PTPRG: variants seen among roughly 807,000 people sequenced by gnomAD.
The protein encoded by PTPRG is receptor-type tyrosine-protein phosphatase gamma.
Under a neutral mutation model 165.3 loss-of-function variants are expected in PTPRG, and 102 were observed. That is an observed-to-expected ratio of 0.62 (90% CI 0.53 to 0.73). PTPRG has a LOEUF of 0.73. PTPRG is among the 30% of genes least tolerant of loss of function. The probability of loss-of-function intolerance (pLI) is 0.00; values close to 1 mark genes in which losing one functional copy is unlikely to be tolerated. For synonymous variants in PTPRG, 675 were observed against 669.5 expected (o/e 1.01, Z -0.13); for missense variants, 1,866 against 1,861.4 (o/e 1.00, Z -0.05).
intron 2 of PTPRG, among the ~76,000 whole-genome samples, chr3:61,873,762 T>C (rs1314862021): frequency 6.6e-6 from 1 of 152,184 alleles, no homozygotes; most frequent in Admixed American, 6.5e-5. Context: ...AACTGAATGA[T>C]GATTAAGTTC....
chr3:62,166,922 G>C lies in PTPRG; in HGVS notation c.841-1049G>C, dbSNP rs777889218. On this transcript the variant is annotated intron_variant, in intron 7 of 29. Transcript: ENST00000474889. ...TACTCTCCAACTCCTGGGTTCAAGC[G>C]ATCTTCCACCTCAGCCTCCCAAAGT... is the stretch of plus-strand genomic sequence containing the variant. Among the ~76,000 whole-genome samples the C allele has an allele frequency of 7.2e-5, 11 of 151,932 alleles. 1 individual carries two copies. Among genetic ancestry groups the C allele is most frequent in the Non-Finnish European group, 1.0e-4 (7 of 67,950 alleles).
intron 12 of PTPRG, among the ~76,000 whole-genome samples, chr3:62,207,627 A>C (rs571374246): frequency 9.9e-5 from 15 of 152,234 alleles, no homozygotes; most frequent in South Asian, 4.1e-4. Flanking sequence ...CTCTGAAAAG[A>C]GTGATAATGT....
chr3:61,969,818 C>T (rs915347631), intron 2 of PTPRG, among the ~76,000 whole-genome samples: 6 of 152,076 alleles, frequency 3.9e-5, no homozygotes, highest in East Asian at 1.9e-4. Context: ...AGGGATACAG[C>T]GATAATGATT....
intron 1 of PTPRG, among the ~76,000 whole-genome samples, chr3:61,745,735 T>C (rs534906827): frequency 6.6e-6 from 1 of 152,196 alleles, no homozygotes; most frequent in Non-Finnish European, 1.5e-5. Context: ...TATATGTGTG[T>C]CTGGGGTGAA....
intron 2 of PTPRG, among the ~76,000 whole-genome samples, chr3:61,799,007 T>C (rs2035150215): frequency 6.6e-6 from 1 of 151,914 alleles, no homozygotes; most frequent in Non-Finnish European, 1.5e-5. Context: ...CTCCACCTGT[T>C]AGGGACATAA....
chr3:62,243,605 A>T lies in PTPRG; in HGVS notation c.2376-202A>T, dbSNP rs1653330140. On this transcript the variant is annotated intron_variant, in intron 14 of 29. Coordinates refer to ENST00000474889, the MANE Select transcript of PTPRG (RefSeq NM_002841.4). ...TATCAGTTTGGATGCGGTGATGATAAAAAAAATGGATATGCTGTAGCAATT... is the reference window on the plus strand; with the variant it reads ...TATCAGTTTGGATGCGGTGATGATATAAAAAATGGATATGCTGTAGCAATT... 19 of 446,044 alleles carry T rather than the reference A, an allele frequency of 4.3e-5. No homozygotes were observed. The South Asian group carries it at 7.4e-4, about 17-fold the overall frequency. The allele number at this position is 446,044 out of a possible 1,614,324, so 27.6% of individuals were successfully genotyped here. A position where few individuals can be genotyped will look rare whatever the true frequency, so the allele number is the denominator to read the frequency against.
At chr3:61,604,213 A>C (rs535959981) in intron 1 of PTPRG, among the ~76,000 whole-genome samples, 131 of 152,186 alleles carry the variant, frequency 8.6e-4, no homozygotes, top group Non-Finnish European at 1.7e-3. Flanking sequence ...ATTCCCAGGT[A>C]CTCGGGAGGC....
intron 5 of PTPRG, among the ~76,000 whole-genome samples, chr3:62,104,752 A>G (rs868326270): frequency 6.6e-6 from 1 of 152,208 alleles, no homozygotes; most frequent in Admixed American, 6.5e-5. Flanking sequence ...TCCCATGTGC[A>G]TTACTACTAG....
chr3:61,683,625 GT>G lies in PTPRG; in HGVS notation c.86-65249del, dbSNP rs566681517. Reference sequence around the variant, plus strand: ...ACTAAACTGGAAATCCCTTTGAATTGTTTTCCTTTTCATGGGACATAGTGTT... The same window carrying G: ...ACTAAACTGGAAATCCCTTTGAATTGTTTCCTTTTCATGGGACATAGTGTT... On this transcript the variant is annotated intron_variant, in intron 1 of 29. Transcript: ENST00000474889. 2.7e-3 allele frequency among the ~76,000 whole-genome samples: 417 copies of G among 152,268 alleles called. 9 individuals are homozygous for G. The highest frequency in any genetic ancestry group is 0.025 in the Admixed American group (384 of 15,296).
Position 61,571,996 on chromosome 3 carries a change from A to G in PTPRG, c.85+9624A>G, listed in dbSNP as rs948860353. Among the ~76,000 whole-genome samples, 7 of 152,188 alleles carry G rather than the reference A, an allele frequency of 4.6e-5. No individual in the cohort carries two copies. The East Asian group carries it at 1.4e-3, about 29-fold the overall frequency. The stretch of plus-strand genomic sequence containing the variant: ...AAAATTTTTTTCTGGAATTTTAGAG[A>G]TTGTTGATTCCAGGCTAGGCAGTTT... On this transcript the variant is annotated intron_variant, in intron 1 of 29. Coordinates refer to ENST00000474889, the MANE Select transcript of PTPRG (RefSeq NM_002841.4).
chr3:61,653,770 T>G (rs1452456609), intron 1 of PTPRG, among the ~76,000 whole-genome samples: 2 of 152,078 alleles, frequency 1.3e-5, no homozygotes, highest in African/African-American at 4.8e-5. Context: ...AAAGGGAGGC[T>G]CTAGAATCTG....
chr3:61,887,139 T>TTTTTA (rs2038064816), intron 2 of PTPRG, among the ~76,000 whole-genome samples: 3 of 51,882 alleles, frequency 5.8e-5, no homozygotes, highest in Non-Finnish European at 1.2e-4. Flanking sequence ...TATATATATA[T>TTTTTA]ATATATATAT....
At position 61,724,463 on chromosome 3, in the gene PTPRG, G is replaced by A. The variant is rs551676827; in HGVS notation, c.86-24415G>A. ...AGTCAAATATTAACAGTGCGTACAC[G>A]TTTTTGGATGATCATAAGTTTTCAC... On this transcript the variant is annotated intron_variant, in intron 1 of 29. Transcript: ENST00000474889. 1.1e-3 allele frequency among the ~76,000 whole-genome samples: 160 copies of A among 152,122 alleles called. 5 individuals carry two copies. The South Asian group carries it at 0.031, about 30-fold the overall frequency.
At chr3:62,001,975 T>C (rs6445246) in intron 3 of PTPRG, among the ~76,000 whole-genome samples, 14,895 of 152,208 alleles carry the variant, frequency 0.098, 1,250 homozygotes, top group African/African-American at 0.22. Context: ...AGAGTGAAGG[T>C]GGCACAGTGC....
chr3:62,246,656 T>C (rs1438149683), intron 15 of PTPRG, among the ~76,000 whole-genome samples: 1 of 152,170 alleles, frequency 6.6e-6, no homozygotes, highest in East Asian at 1.9e-4. Context: ...CCACAACTTT[T>C]CTTTAATGGA....
chr3:61,976,582 T>G (rs2040512127), intron 2 of PTPRG, among the ~76,000 whole-genome samples: 1 of 152,212 alleles, frequency 6.6e-6, no homozygotes, highest in East Asian at 1.9e-4. Flanking sequence ...ACTTCCTTTT[T>G]AATAATAAAT....
chr3:61,968,624 T>C (rs1040920608), intron 2 of PTPRG, among the ~76,000 whole-genome samples: 1 of 152,182 alleles, frequency 6.6e-6, no homozygotes, highest in Admixed American at 6.5e-5. Flanking sequence ...TTTTTATAGA[T>C]CTATTTGATA....
chr3:61,713,370 A>G (rs2031659147), intron 1 of PTPRG, among the ~76,000 whole-genome samples: 1 of 145,906 alleles, frequency 6.9e-6, no homozygotes, highest in South Asian at 2.2e-4. Context: ...ACGGGGTTTC[A>G]CCATGTTGGC....
At chr3:62,178,907 C>T (rs1705542156) in intron 8 of PTPRG, among the ~76,000 whole-genome samples, 1 of 152,154 alleles carries the variant, frequency 6.6e-6, no homozygotes, top group Admixed American at 6.5e-5. Context: ...TAATAAAGGC[C>T]AACAGCTTCC....
Sources: gnomAD v4.1 joint callset for allele counts (sites outside exome capture counted in the v4.1 genomes callset) on GRCh38, gnomAD v4.1.1 for gene constraint, MANE v1.5 for transcripts, NCBI Gene and HGNC (gene_info 2026-07-23, HGNC 2026-07-21) for gene names.